Variants in CNTNAP2 observed in about 807,000 individuals in gnomAD.
CNTNAP2 encodes contactin associated protein 2.
In CNTNAP2, 98 loss-of-function variants were observed where a neutral mutation model predicts 155.2. That is an observed-to-expected ratio of 0.63 (90% CI 0.54 to 0.75). CNTNAP2 has a LOEUF of 0.75. CNTNAP2 is among the 30% of genes least tolerant of loss of function. CNTNAP2 has a pLI of 0.00. For synonymous variants in CNTNAP2, 651 were observed against 631.2 expected (o/e 1.03, Z -0.47); for missense variants, 1,727 against 1,688.1 (o/e 1.02, Z -0.40).
At chr7:147,352,374 A>G (rs1042164714) in intron 9 of CNTNAP2, among the ~76,000 whole-genome samples, 4 of 151,984 alleles carry the variant, frequency 2.6e-5, no homozygotes, top group African/African-American at 9.7e-5. Context: ...ACTTCATCTA[A>G]GTCCAAATTT....
intron 14 of CNTNAP2, among the ~76,000 whole-genome samples, chr7:147,937,708 C>A (rs571962941): frequency 6.6e-6 from 1 of 152,296 alleles, no homozygotes; most frequent in Admixed American, 6.5e-5. Context: ...CTGCGTGTCA[C>A]TCACAATTCC....
chr7:146,264,055 A>C (rs916751001), intron 1 of CNTNAP2, among the ~76,000 whole-genome samples: 1 of 152,212 alleles, frequency 6.6e-6, no homozygotes, highest in African/African-American at 2.4e-5. Flanking sequence ...CAGGGTCAGA[A>C]TTGAGAATAA....
chr7:146,315,568 AT>A (rs1800892741), intron 1 of CNTNAP2, among the ~76,000 whole-genome samples: 1 of 152,040 alleles, frequency 6.6e-6, no homozygotes, highest in Non-Finnish European at 1.5e-5. Context: ...ACTCATGGCT[AT>A]TTACTTGGTG....
chr7:146,881,640 A>G (rs916905440), intron 3 of CNTNAP2, among the ~76,000 whole-genome samples: 1 of 151,994 alleles, frequency 6.6e-6, no homozygotes, highest in Non-Finnish European at 1.5e-5. Context: ...GACACAATAA[A>G]TGGAAAATAT....
At chr7:147,799,714 A>G (rs1797955915) in intron 13 of CNTNAP2, among the ~76,000 whole-genome samples, 1 of 152,220 alleles carries the variant, frequency 6.6e-6, no homozygotes, top group Non-Finnish European at 1.5e-5. Context: ...GCCCAGATGC[A>G]TGAGAGCAGA....
chr7:147,336,817 A>G (rs1036843386), intron 9 of CNTNAP2, among the ~76,000 whole-genome samples: 4 of 152,118 alleles, frequency 2.6e-5, no homozygotes, highest in East Asian at 3.9e-4. Flanking sequence ...ACTGTTTTTC[A>G]TAGCCACCTA....
chr7:146,273,806 G>A (rs1005818581), intron 1 of CNTNAP2, among the ~76,000 whole-genome samples: 30 of 152,076 alleles, frequency 2.0e-4, no homozygotes, highest in African/African-American at 6.5e-4. Flanking sequence ...TAAAACCTCT[G>A]AGCCCTAGTT....
At chr7:146,699,372 GCT>G (rs1389027310) in intron 1 of CNTNAP2, among the ~76,000 whole-genome samples, 1 of 152,092 alleles carries the variant, frequency 6.6e-6, no homozygotes, top group Non-Finnish European at 1.5e-5. Context: ...AGACATGAAG[GCT>G]TTTCACTTGT....
At chr7:147,863,125 C>T (rs943917016) in intron 13 of CNTNAP2, among the ~76,000 whole-genome samples, 1 of 152,112 alleles carries the variant, frequency 6.6e-6, no homozygotes, top group African/African-American at 2.4e-5. Context: ...GTTCCCTGCC[C>T]TGTGTCCAAG....
chr7:147,420,990 G>A lies in CNTNAP2; in HGVS notation c.1670+25210G>A, dbSNP rs188200200. Among the ~76,000 whole-genome samples the A allele has an allele frequency of 3.4e-3, 522 of 152,264 alleles. 20 individuals carry two copies. Among genetic ancestry groups the A allele is most frequent in the Admixed American group, 0.031 (471 of 15,304 alleles). ...ATCATAAAGAAGTAATTCTTGAAAA[G>A]TATTGCAATGCAGTCTTCACAAAAA... On this transcript the variant is annotated intron_variant, in intron 10 of 23. Transcript: ENST00000361727.
intron 8 of CNTNAP2, among the ~76,000 whole-genome samples, chr7:147,253,186 C>T (rs1015813061): frequency 4.6e-5 from 7 of 152,050 alleles, no homozygotes; most frequent in South Asian, 4.2e-4. Flanking sequence ...ATTTCTGTTA[C>T]GGTCCTCGGT....
At chr7:147,216,046 G>C (rs1485486972) in intron 8 of CNTNAP2, among the ~76,000 whole-genome samples, 1 of 151,400 alleles carries the variant, frequency 6.6e-6, no homozygotes, top group Non-Finnish European at 1.5e-5. Flanking sequence ...TTTTCTTATT[G>C]ATGAGTGTTA....
At chr7:148,269,936 T>C (rs1796744632) in intron 21 of CNTNAP2, among the ~76,000 whole-genome samples, 1 of 152,222 alleles carries the variant, frequency 6.6e-6, no homozygotes, top group Non-Finnish European at 1.5e-5. Context: ...TTCCTAAAGA[T>C]ACTACACTAT....
rs1433579404 is a variant in CNTNAP2 at position 147,949,458 on chromosome 7, A to ATATATATATATATATATAT, written c.2256-28403_2256-28402insATATATATATATATATATT. Among the ~76,000 whole-genome samples, 121 of 137,366 alleles carry ATATATATATATATATATAT rather than the reference A, an allele frequency of 8.8e-4. 1 individual carries two copies. Among genetic ancestry groups the ATATATATATATATATATAT allele is most frequent in the South Asian group, 4.3e-3 (18 of 4,206 alleles). 90.1% of individuals were successfully genotyped at this position (137,366 alleles called of 152,430 possible). A position where few individuals can be genotyped will look rare whatever the true frequency, so the allele number is the denominator to read the frequency against. ...ACTGTGTGTATATATATATATATAT[A>ATATATATATATATATATAT]TTTTTTTTTTTTAGGTTTATTGCAG... On this transcript the variant is annotated intron_variant, in intron 14 of 23. Transcript: ENST00000361727.
intron 1 of CNTNAP2, among the ~76,000 whole-genome samples, chr7:146,202,898 G>C (rs1273704546): frequency 6.6e-6 from 1 of 151,912 alleles, no homozygotes; most frequent in African/African-American, 2.4e-5. Context: ...CTATTTTTTT[G>C]TACTTCATAC....
At chr7:147,635,862 T>C (rs1332588939) in intron 12 of CNTNAP2, among the ~76,000 whole-genome samples, 1 of 151,986 alleles carries the variant, frequency 6.6e-6, no homozygotes, top group African/African-American at 2.4e-5. Flanking sequence ...AGATTTGGAG[T>C]ACTACTGCAG....
chr7:147,244,484 A>G (rs1804013124), intron 8 of CNTNAP2, among the ~76,000 whole-genome samples: 1 of 152,212 alleles, frequency 6.6e-6, no homozygotes, highest in Admixed American at 6.5e-5. Flanking sequence ...TTAAATCTTG[A>G]CAATATAAAG....
intron 3 of CNTNAP2, among the ~76,000 whole-genome samples, chr7:146,926,562 C>T (rs1916938): frequency 5.9e-5 from 9 of 152,046 alleles, no homozygotes; most frequent in East Asian, 3.9e-4. Flanking sequence ...AATTCTTGAA[C>T]GGGCCTCCTT....
intron 1 of CNTNAP2, among the ~76,000 whole-genome samples, chr7:146,587,923 C>A (rs1176257795): frequency 6.6e-6 from 1 of 152,046 alleles, no homozygotes; most frequent in Non-Finnish European, 1.5e-5. Context: ...ATCTGCCCAC[C>A]TCAGCCTCCT....
Sources: allele counts gnomAD v4.1 joint callset (sites outside exome capture counted in the v4.1 genomes callset), GRCh38; gene constraint gnomAD v4.1.1; transcripts MANE v1.5; gene names NCBI Gene and HGNC (gene_info 2026-07-23, HGNC 2026-07-21).